The following PTPN14 variants were observed in gnomAD, a reference collection of about 807,000 sequenced individuals.
The protein encoded by PTPN14 is tyrosine-protein phosphatase non-receptor type 14.
Under a neutral mutation model 126.8 loss-of-function variants are expected in PTPN14, and 53 were observed. The ratio of observed to expected loss-of-function variants is 0.42; its 90% CI spans 0.34 to 0.53. PTPN14 has a LOEUF of 0.53. PTPN14 is among the 20% of genes least tolerant of loss of function. The pLI is 0.08. For missense variants in PTPN14, 1,257 were observed against 1,552.9 expected, an observed-to-expected ratio of 0.81 and a Z score of 3.20; for synonymous variants, 630 against 599.3, an observed-to-expected ratio of 1.05 and a Z score of -0.75.
chr1:214,392,359 T>C (rs1317182130), intron 10 of PTPN14, among the ~76,000 whole-genome samples: 1 of 152,164 alleles, frequency 6.6e-6, no homozygotes, highest in Admixed American at 6.5e-5. Context: ...CAGACTAATA[T>C]GTGATGTTCA....
chr1:214,428,144 G>A (rs1045516236), intron 3 of PTPN14, among the ~76,000 whole-genome samples: 2 of 152,120 alleles, frequency 1.3e-5, no homozygotes, highest in African/African-American at 2.4e-5. Context: ...GGGTGGAAGC[G>A]GAAATGCCAG....
At chr1:214,418,767 G>A (rs537924935) in intron 3 of PTPN14, among the ~76,000 whole-genome samples, 1 of 152,284 alleles carries the variant, frequency 6.6e-6, no homozygotes, top group East Asian at 1.9e-4. Context: ...TGTGGCCAAT[G>A]GTTATTCAGA....
intron 1 of PTPN14, among the ~76,000 whole-genome samples, chr1:214,475,626 T>A (rs758602011): frequency 1.3e-5 from 2 of 152,228 alleles, no homozygotes; most frequent in Non-Finnish European, 2.9e-5. Context: ...TGTCCTGGAA[T>A]GTCAGAGCTT....
chr1:214,349,518 TG>T lies in PTPN14; in HGVS notation c.*8403del, dbSNP rs2102489454. The stretch of plus-strand genomic sequence containing the variant: ...AAGATCAAGGAAAGCATCAAAATAC[TG>T]AAGTAGGGAGCACAAGCCTAGTCCA... On this transcript the variant is annotated 3_prime_UTR_variant, in exon 19 of 19. Transcript: ENST00000366956. The T allele has an allele frequency of 6.6e-6, 1 of 152,354 alleles. No homozygotes were observed. Among genetic ancestry groups the T allele is most frequent in the East Asian group, 1.9e-4 (1 of 5,186 alleles). 9.4% of individuals were successfully genotyped at this position (152,354 alleles called of 1,614,324 possible). A position where few individuals can be genotyped will look rare whatever the true frequency, so the allele number is the denominator to read the frequency against.
chr1:214,519,460 A>G (rs1655188663), intron 1 of PTPN14, among the ~76,000 whole-genome samples: 1 of 152,118 alleles, frequency 6.6e-6, no homozygotes, highest in Non-Finnish European at 1.5e-5. Context: ...TGAGTTCTCA[A>G]TAATGCCTGC....
In PTPN14 at chr1:214,464,813, G is replaced by A. The variant is rs1316140882; in HGVS notation, c.-10C>T. 1 of 1,612,604 alleles carries A rather than the reference G, an allele frequency of 6.2e-7. No individual in the cohort carries two copies. The highest frequency in any genetic ancestry group is 8.5e-7 in the Non-Finnish European group (1 of 1,178,728). On this transcript the variant is annotated 5_prime_UTR_variant, in exon 2 of 19. Coordinates refer to ENST00000366956, the MANE Select transcript of PTPN14 (RefSeq NM_005401.5). ...TCAGACCAAAAGGCATGGCTATGTGGTCCTCGGACGCCGCCCGCCTATCCT... is the reference window on the plus strand; with the variant it reads ...TCAGACCAAAAGGCATGGCTATGTGATCCTCGGACGCCGCCCGCCTATCCT...
chr1:214,459,747 G>A (rs1040087793), intron 2 of PTPN14, among the ~76,000 whole-genome samples: 5 of 151,378 alleles, frequency 3.3e-5, no homozygotes, highest in South Asian at 2.1e-4. Context: ...GATTACAGGC[G>A]CAAGCCACCA....
At chr1:214,482,935 C>G in intron 1 of PTPN14, 1 of 1,604,594 alleles carries the variant, frequency 6.2e-7, no homozygotes, top group Non-Finnish European at 8.5e-7. Context: ...ACTAAGCCAC[C>G]CTCAGATTTT....
chr1:214,368,257 G>A (rs1208718577), intron 17 of PTPN14, among the ~76,000 whole-genome samples: 1 of 142,086 alleles, frequency 7.0e-6, no homozygotes, highest in Non-Finnish European at 1.5e-5. Context: ...TGCCCAGACT[G>A]AAGTGCAATG....
At chr1:214,488,293 ATATT>A (rs1364951619) in intron 1 of PTPN14, among the ~76,000 whole-genome samples, 62 of 152,224 alleles carry the variant, frequency 4.1e-4, no homozygotes, top group Admixed American at 4.0e-3. Flanking sequence ...ATTATTACAA[ATATT>A]TATCACGTAC....
Position 214,469,413 on chromosome 1 carries a change from T to G in PTPN14, c.-154-4456A>C, listed in dbSNP as rs540960390. ...CAAAATATCCACTATAAAATGGACT[T>G]GATGTGAAATCCACTCTAAGCATCT... On this transcript the variant is annotated intron_variant, in intron 1 of 18. Coordinates refer to ENST00000366956, the MANE Select transcript of PTPN14 (RefSeq NM_005401.5). Among the ~76,000 whole-genome samples the G allele has an allele frequency of 2.0e-5, 3 of 152,300 alleles. No individual in the cohort carries two copies. In the East Asian group the frequency reaches 5.8e-4, roughly 29 times the overall value.
intron 1 of PTPN14, among the ~76,000 whole-genome samples, chr1:214,491,002 AAAGAAAGGAAGAAAGG>A (rs200185061): frequency 7.0e-6 from 1 of 143,002 alleles, no homozygotes; most frequent in African/African-American, 2.6e-5. Flanking sequence ...GAAGGAAAGG[AAAGAAAGGAAGAAAGG>A]AAGAAAGGAA....
At chr1:214,369,397 A>T in intron 17 of PTPN14, 60 bp downstream of exon 17, 1 of 1,485,802 alleles carries the variant, frequency 6.7e-7, no homozygotes, top group Non-Finnish European at 9.4e-7. Flanking sequence ...CCAACAGATG[A>T]ATTATTGACA....
chr1:214,502,574 G>T (rs1266969654), intron 1 of PTPN14, among the ~76,000 whole-genome samples: 1 of 151,906 alleles, frequency 6.6e-6, no homozygotes, highest in Non-Finnish European at 1.5e-5. Context: ...GCCCAGGCTG[G>T]TCTCATACTC....
intron 17 of PTPN14, among the ~76,000 whole-genome samples, chr1:214,366,782 G>A (rs546832032): frequency 1.2e-3 from 180 of 152,118 alleles, no homozygotes; most frequent in Non-Finnish European, 2.0e-3. Flanking sequence ...CGAGGCAGGC[G>A]GATCACGAGG....
chr1:214,439,722 C>A (rs767542860), intron 3 of PTPN14, among the ~76,000 whole-genome samples: 14 of 152,198 alleles, frequency 9.2e-5, no homozygotes, highest in African/African-American at 1.9e-4. Context: ...CACCTGGTAA[C>A]TTGACACCTG....
intron 3 of PTPN14, among the ~76,000 whole-genome samples, chr1:214,423,401 T>TTCCGGTGA (rs1444780553): frequency 6.6e-6 from 1 of 152,144 alleles, no homozygotes; most frequent in Non-Finnish European, 1.5e-5. Flanking sequence ...CTAGGCACAC[T>TTCCGGTGA]TCCGGTGACC....
intron 18 of PTPN14, among the ~76,000 whole-genome samples, chr1:214,361,955 G>T (rs945326356): frequency 9.2e-5 from 14 of 152,062 alleles, no homozygotes; most frequent in African/African-American, 3.4e-4. Context: ...GACAAGTCCA[G>T]GAAAAAGAAA....
At chr1:214,463,210 T>C (rs1301965285) in intron 2 of PTPN14, among the ~76,000 whole-genome samples, 1 of 152,260 alleles carries the variant, frequency 6.6e-6, no homozygotes, top group Non-Finnish European at 1.5e-5. Flanking sequence ...ACTAGTTTTC[T>C]ATAAGAACTT....
Sources: allele counts gnomAD v4.1 joint callset (sites outside exome capture counted in the v4.1 genomes callset), GRCh38; gene constraint gnomAD v4.1.1; transcripts MANE v1.5; gene names NCBI Gene and HGNC (gene_info 2026-07-23, HGNC 2026-07-21).